Variants in TANK observed in about 807,000 individuals in gnomAD.
TANK encodes the protein TRAF family member-associated NF-kappa-B activator.
A neutral mutation model predicts 43.6 loss-of-function variants in TANK; 15 were observed. The ratio of observed to expected loss-of-function variants is 0.34; its 90% CI spans 0.23 to 0.53. The LOEUF is 0.53. Among genes scored for constraint, TANK ranks in the 20% least tolerant of loss-of-function variants. The pLI is 0.94. For missense variants in TANK, 417 were observed against 498.6 expected (o/e 0.84, Z 1.56); for synonymous variants, 162 against 178.2 (o/e 0.91, Z 0.73).
At chr2:161,144,110 T>C (rs1196449340) in intron 1 of TANK, among the ~76,000 whole-genome samples, 1 of 152,214 alleles carries the variant, frequency 6.6e-6, no homozygotes, top group Admixed American at 6.5e-5. Context: ...GAGGTGTTTA[T>C]AGTATTTGCT....
At chr2:161,160,510 G>T in intron 1 of TANK, 24 bp downstream of exon 1, 1 of 1,267,560 alleles carries the variant, frequency 7.9e-7, no homozygotes, top group African/African-American at 1.5e-5. Context: ...TTTGTGAATT[G>T]GTGTGTCCGA....
intron 4 of TANK, among the ~76,000 whole-genome samples, chr2:161,215,885 T>TA (rs1687095177): frequency 6.6e-6 from 1 of 152,210 alleles, no homozygotes; most frequent in Non-Finnish European, 1.5e-5. Context: ...CTTTGCCAGT[T>TA]AGTCATCTTT....
intron 2 of TANK, chr2:161,201,474 G>A (rs1019577985): frequency 1.1e-5 from 2 of 178,024 alleles, no homozygotes; most frequent in South Asian, 1.9e-4. Flanking sequence ...TTTATTCTGC[G>A]CCTGTCTCTA....
At chr2:161,204,014 T>TA (rs542958300) in intron 3 of TANK, among the ~76,000 whole-genome samples, 23 of 152,116 alleles carry the variant, frequency 1.5e-4, no homozygotes, top group Non-Finnish European at 2.6e-4. Flanking sequence ...ATTCAGTAGT[T>TA]ACACTGATCT....
chr2:161,205,007 G>T, intron 4 of TANK: 1 of 1,285,492 alleles, frequency 7.8e-7, no homozygotes. Context: ...TACATCACAA[G>T]CATTTCAACA....
intron 5 of TANK, 48 bp from the exon 6 acceptor site, chr2:161,224,583 C>T (rs1230889008): frequency 1.2e-6 from 1 of 859,354 alleles, no homozygotes; most frequent in African/African-American, 1.8e-5. Flanking sequence ...ATTTAAAAAA[C>T]TTGGAAGTTA....
chr2:161,183,130 T>C (rs950697754), intron 2 of TANK, among the ~76,000 whole-genome samples: 3 of 152,294 alleles, frequency 2.0e-5, no homozygotes, highest in East Asian at 1.9e-4. Context: ...TCCTTTCTAA[T>C]TGATAAATCT....
At chr2:161,184,953 A>G (rs1286964983) in intron 2 of TANK, among the ~76,000 whole-genome samples, 1 of 152,182 alleles carries the variant, frequency 6.6e-6, no homozygotes. Context: ...AACATCTCCC[A>G]GTTAAGAGTG....
intron 2 of TANK, 48 bp downstream of exon 2, chr2:161,179,809 A>G: frequency 1.3e-6 from 2 of 1,563,890 alleles, no homozygotes; most frequent in Non-Finnish European, 1.7e-6. Context: ...GGTACATGGA[A>G]TTTTAGAGCC....
At chr2:161,190,951 C>T (rs1558985726) in intron 2 of TANK, among the ~76,000 whole-genome samples, 2 of 151,696 alleles carry the variant, frequency 1.3e-5, no homozygotes, top group African/African-American at 4.8e-5. Flanking sequence ...AACTCTATTA[C>T]AAAAAAAAGA....
At position 161,152,712 on chromosome 2, in the gene TANK, T is replaced by C. The variant is rs1684113219; in HGVS notation, c.-50+15649T>C. On this transcript the variant is annotated intron_variant, in intron 1 of 7. Transcript: ENST00000259075. ...ATTCCTGTTATTTAGTGGGTGATTC[T>C]ACATGCATTTGATTTTTAATTTAAA... Among the ~76,000 whole-genome samples, 3 of 152,150 alleles carry C rather than the reference T, an allele frequency of 2.0e-5. No homozygotes were observed. In the South Asian group the frequency reaches 6.2e-4, roughly 31 times the overall value.
chr2:161,212,346 C>T, intron 4 of TANK: 1 of 981,222 alleles, frequency 1.0e-6, no homozygotes, highest in African/African-American at 1.7e-5. Context: ...CAGGTGTGTG[C>T]CACTGTGCCT....
At chr2:161,190,154 G>GC (rs1348309898) in intron 2 of TANK, among the ~76,000 whole-genome samples, 1 of 152,116 alleles carries the variant, frequency 6.6e-6, no homozygotes, top group East Asian at 1.9e-4. Flanking sequence ...TTTAAAATGG[G>GC]CAAGGGGCTT....
At chr2:161,160,393 T>A, upstream of TANK, 1 of 1,240,074 alleles carries the variant, frequency 8.1e-7, no homozygotes, top group South Asian at 3.7e-5. Context: ...CACTGCCCTC[T>A]GAACTGGAAC....
chr2:161,220,287 T>G (rs555487941), intron 4 of TANK, among the ~76,000 whole-genome samples: 1 of 152,298 alleles, frequency 6.6e-6, no homozygotes, highest in South Asian at 2.1e-4. Context: ...GTTAAAGAGT[T>G]TAGTCAGAAT....
chr2:161,235,178 G>A (rs1688120065), intron 7 of TANK, among the ~76,000 whole-genome samples, 164 bp from the exon 8 acceptor site: 2 of 152,110 alleles, frequency 1.3e-5, no homozygotes, highest in African/African-American at 2.4e-5. Context: ...ATGAAACCAC[G>A]AATTGAGTCA....
chr2:161,172,712 G>C (rs1685005976), intron 1 of TANK, among the ~76,000 whole-genome samples: 1 of 152,094 alleles, frequency 6.6e-6, no homozygotes, highest in Non-Finnish European at 1.5e-5. Flanking sequence ...TTGCTAACTA[G>C]AATGTAGATT....
At chr2:161,210,819 G>GTT (rs1421426901) in intron 4 of TANK, among the ~76,000 whole-genome samples, 2 of 151,914 alleles carry the variant, frequency 1.3e-5, no homozygotes, top group African/African-American at 4.8e-5. Flanking sequence ...AGGGCCCAAA[G>GTT]TTTAAGTTCA....
At chr2:161,228,829 A>G (rs1303048698) in intron 6 of TANK, among the ~76,000 whole-genome samples, 4 of 152,198 alleles carry the variant, frequency 2.6e-5, no homozygotes, top group African/African-American at 9.6e-5. Context: ...GTGTTTAAAT[A>G]CACACATACC....
Sources: allele counts gnomAD v4.1 joint callset (sites outside exome capture counted in the v4.1 genomes callset), GRCh38; gene constraint gnomAD v4.1.1; transcripts MANE v1.5; gene names NCBI Gene and HGNC (gene_info 2026-07-23, HGNC 2026-07-21).